The following CACNA1D variants were observed in gnomAD, a reference collection of about 807,000 sequenced individuals.
The protein encoded by CACNA1D is calcium voltage-gated channel subunit alpha1 D.
CACNA1D carries 55 observed loss-of-function variants against 257.1 expected under a neutral mutation model. The ratio of observed to expected loss-of-function variants is 0.21; its 90% CI spans 0.17 to 0.27. The LOEUF is 0.27. Ranked by LOEUF, CACNA1D falls within the 10% of genes least tolerant of loss-of-function variation. The probability of loss-of-function intolerance (pLI) is 1.00; values close to 1 mark genes in which losing one functional copy is unlikely to be tolerated. For synonymous variants in CACNA1D, 980 were observed against 1,014.9 expected, an observed-to-expected ratio of 0.97 and a Z score of 0.65; for missense variants, 1,876 against 2,784.0, an observed-to-expected ratio of 0.67 and a Z score of 7.34.
In CACNA1D at chr3:53,804,989, C is replaced by T; in HGVS notation, c.5592C>T (p.Asn1864=). ...DDSSPTWSRQ[N]YGYYSRYPGR... The stretch of plus-strand genomic sequence containing the variant: ...CCTCCTCTCTGACCTCCAGGCAAAA[C>T]TATGGCTACTACAGCAGATACCCAG... Residue 1864 remains asparagine, a synonymous_variant, in exon 45 of 48, where the codon AAC becomes AAT. Transcript: ENST00000350061. The T allele has an allele frequency of 6.2e-7, 1 of 1,614,112 alleles. No homozygotes were observed. The highest frequency in any genetic ancestry group is 8.5e-7 in the Non-Finnish European group (1 of 1,179,982).
intron 16 of CACNA1D, 46 bp downstream of exon 16, chr3:53,730,602 G>A (rs1436540257): frequency 3.6e-6 from 5 of 1,385,330 alleles, no homozygotes; most frequent in East Asian, 4.7e-5. Flanking sequence ...GCTGTGTTGG[G>A]AGCCCTGCAA....
At chr3:53,644,115 A>G (rs2093993833) in intron 3 of CACNA1D, among the ~76,000 whole-genome samples, 1 of 152,212 alleles carries the variant, frequency 6.6e-6, no homozygotes, top group African/African-American at 2.4e-5. Context: ...GAATGCAATG[A>G]TGCATGAAAT....
intron 3 of CACNA1D, among the ~76,000 whole-genome samples, chr3:53,546,324 C>A (rs1005332557): frequency 4.6e-5 from 7 of 152,038 alleles, no homozygotes; most frequent in Admixed American, 2.6e-4. Flanking sequence ...ATTCCAGGAA[C>A]CCAACAGAGC....
intron 3 of CACNA1D, among the ~76,000 whole-genome samples, chr3:53,512,391 A>G (rs1381444831): frequency 6.6e-6 from 1 of 152,158 alleles, no homozygotes; most frequent in Admixed American, 6.5e-5. Context: ...AGGTTGGCCA[A>G]ATGAATCAGT....
chr3:53,685,317 A>G (rs1353022919), intron 8 of CACNA1D, among the ~76,000 whole-genome samples: 3 of 152,226 alleles, frequency 2.0e-5, no homozygotes, highest in Non-Finnish European at 2.9e-5. Flanking sequence ...TTGAGAGTAC[A>G]TGAAGCAAAA....
intron 9 of CACNA1D, among the ~76,000 whole-genome samples, chr3:53,717,485 A>AC (rs2094831986): frequency 6.6e-6 from 1 of 152,112 alleles, no homozygotes; most frequent in Non-Finnish European, 1.5e-5. Context: ...CCCTGGGTGG[A>AC]CCCTGGACCT....
chr3:53,754,698 C>T (rs1302254881), intron 29 of CACNA1D, among the ~76,000 whole-genome samples: 2 of 152,174 alleles, frequency 1.3e-5, no homozygotes, highest in African/African-American at 4.8e-5. Flanking sequence ...CCCTCATTTT[C>T]TTTCCCAGTA....
intron 3 of CACNA1D, among the ~76,000 whole-genome samples, chr3:53,589,755 A>G (rs1046663820): frequency 8.5e-5 from 13 of 152,268 alleles, no homozygotes; most frequent in Non-Finnish European, 1.5e-4. Context: ...GATTACAGGC[A>G]TGTGCCATTG....
intron 3 of CACNA1D, among the ~76,000 whole-genome samples, chr3:53,570,830 CA>C (rs774664623): frequency 6.6e-6 from 1 of 152,178 alleles, no homozygotes; most frequent in Non-Finnish European, 1.5e-5. Context: ...GAGTCATTAG[CA>C]AAGGCTAAAA....
rs552451328 is a variant in CACNA1D, at chr3:53,723,292, G to A, written c.1667-142G>A. On this transcript the variant is annotated intron_variant, in intron 12 of 47. Coordinates refer to ENST00000350061, the MANE Select transcript of CACNA1D (RefSeq NM_001128840.3). The surrounding 1 kb of genome is among the most constrained non-coding windows in gnomAD (Gnocchi z 5.6). ...CTGTCCACGCGAAGGCCACGTTTCT[G>A]TCCTGAGTGAGGTAGTGAAGAGAGA... The A allele has an allele frequency of 2.8e-6, 2 of 725,120 alleles. No homozygotes were observed. The highest frequency in any genetic ancestry group is 3.5e-5 in the African/African-American group (2 of 57,958). The allele number at this position is 725,120 out of a possible 1,614,324, so 44.9% of individuals were successfully genotyped here. A position where few individuals can be genotyped will look rare whatever the true frequency, so the allele number is the denominator to read the frequency against.
intron 30 of CACNA1D, among the ~76,000 whole-genome samples, chr3:53,764,305 C>T (rs1282178978): frequency 6.6e-6 from 1 of 152,192 alleles, no homozygotes; most frequent in Non-Finnish European, 1.5e-5. Context: ...AGACATCTGC[C>T]ACCTTAATCA....
chr3:53,776,988 G>A, intron 37 of CACNA1D, 32 bp downstream of exon 37: 1 of 1,514,942 alleles, frequency 6.6e-7, no homozygotes, highest in Non-Finnish European at 9.2e-7. Context: ...CTGACAGCCT[G>A]TCTTGTAGAA....
chr3:53,646,129 C>A (rs574510133), intron 3 of CACNA1D, among the ~76,000 whole-genome samples: 46 of 152,184 alleles, frequency 3.0e-4, no homozygotes, highest in Non-Finnish European at 6.2e-4. Flanking sequence ...AGGTGGCTGG[C>A]ATGTGTGGGA....
chr3:53,767,769 G>A (rs2095342557), intron 30 of CACNA1D, among the ~76,000 whole-genome samples: 1 of 152,226 alleles, frequency 6.6e-6, no homozygotes, highest in Admixed American at 6.5e-5. Context: ...GCCATCCTCA[G>A]GGTTCTTTAA....
chr3:53,711,428 CAGTT>C (rs2094754147), intron 9 of CACNA1D, among the ~76,000 whole-genome samples: 2 of 152,186 alleles, frequency 1.3e-5, no homozygotes, highest in South Asian at 2.1e-4. Flanking sequence ...CCCAGGCAGA[CAGTT>C]AGGTGAGCAG....
chr3:53,625,170 C>T (rs1021021932), intron 3 of CACNA1D, among the ~76,000 whole-genome samples: 1 of 152,200 alleles, frequency 6.6e-6, no homozygotes, highest in Non-Finnish European at 1.5e-5. Context: ...CCATATCTCA[C>T]TCACATCCGG....
chr3:53,518,030 G>A (rs1452670574), intron 3 of CACNA1D, among the ~76,000 whole-genome samples: 1 of 152,198 alleles, frequency 6.6e-6, no homozygotes, highest in Admixed American at 6.5e-5. Context: ...ATGAATAACT[G>A]AAGTAATGGA....
In CACNA1D at chr3:53,618,427, G is replaced by A. The variant is rs183341704; in HGVS notation, c.484-32352G>A. Among the ~76,000 whole-genome samples the A allele has an allele frequency of 4.5e-3, 684 of 152,294 alleles. 5 individuals are homozygous for A. Among genetic ancestry groups the A allele is most frequent in the African/African-American group, 0.015 (635 of 41,560 alleles). ...CAGTTGCTGCTGTTGCTGCTGCCTG[G>A]TCAGAGTTGAGGGCTCTGACAACAG... On this transcript the variant is annotated intron_variant, in intron 3 of 47. Transcript: ENST00000350061.
At chr3:53,496,864 A>G (rs1416114360) in intron 1 of CACNA1D, among the ~76,000 whole-genome samples, 1 of 152,194 alleles carries the variant, frequency 6.6e-6, no homozygotes, top group African/African-American at 2.4e-5. Flanking sequence ...GAAGAAATGC[A>G]CTAAAAGACC....
Sources: gnomAD v4.1 joint callset for allele counts (sites outside exome capture counted in the v4.1 genomes callset) on GRCh38, gnomAD v4.1.1 for gene constraint, Gnocchi (gnomAD v3.1) non-coding constraint, MANE v1.5 for transcripts, NCBI Gene and HGNC (gene_info 2026-07-23, HGNC 2026-07-21) for gene names.